The following PLPPR5 variants were observed in gnomAD, a reference collection of about 807,000 sequenced individuals.
PLPPR5 encodes phospholipid phosphatase-related protein type 5.
In PLPPR5, 16 loss-of-function variants were observed where a neutral mutation model predicts 33.9. The ratio of observed to expected loss-of-function variants is 0.47; its 90% CI spans 0.32 to 0.72. The LOEUF (loss-of-function observed/expected upper bound fraction) is 0.72. PLPPR5 is among the 30% of genes least tolerant of loss of function. PLPPR5 has a pLI of 0.03. For missense variants in PLPPR5, 301 were observed against 406.7 expected (o/e 0.74, Z 2.23); for synonymous variants, 163 against 150.3 (o/e 1.08, Z -0.62).
intron 5 of PLPPR5, among the ~76,000 whole-genome samples, chr1:98,912,746 G>A (rs1357810691): frequency 6.6e-6 from 1 of 152,134 alleles, no homozygotes; most frequent in Non-Finnish European, 1.5e-5. Context: ...ATTATAATGA[G>A]GATCATGTTT....
chr1:98,963,817 G>A (rs932745043), intron 1 of PLPPR5, among the ~76,000 whole-genome samples: 7 of 152,086 alleles, frequency 4.6e-5, no homozygotes, highest in African/African-American at 1.2e-4. Context: ...TAAGAAAGCC[G>A]AGTATAGAAA....
intron 4 of PLPPR5, among the ~76,000 whole-genome samples, chr1:98,920,519 G>A (rs1649507719): frequency 7.5e-6 from 1 of 133,616 alleles, no homozygotes; most frequent in Non-Finnish European, 1.5e-5. Flanking sequence ...GAGGCTACAG[G>A]ATATCTCCAG....
At chr1:98,893,125 G>C in intron 5 of PLPPR5, 21 bp from the exon 6 acceptor site, 1 of 1,608,614 alleles carries the variant, frequency 6.2e-7, no homozygotes, top group Non-Finnish European at 8.5e-7. Context: ...AAAAAGGAAT[G>C]ACAAAGTGAG....
intron 3 of PLPPR5, among the ~76,000 whole-genome samples, chr1:98,937,307 G>A (rs1650205358): frequency 6.6e-6 from 1 of 152,202 alleles, no homozygotes. Context: ...CTCCAAAGAT[G>A]GCTATAACAG....
intron 5 of PLPPR5, among the ~76,000 whole-genome samples, chr1:98,895,426 A>G (rs779511254): frequency 4.6e-5 from 7 of 152,024 alleles, no homozygotes; most frequent in Non-Finnish European, 7.4e-5. Context: ...TAGCAGCACA[A>G]AACAGACTAA....
At chr1:98,947,690 T>C (rs1650607711) in intron 3 of PLPPR5, among the ~76,000 whole-genome samples, 2 of 152,020 alleles carry the variant, frequency 1.3e-5, no homozygotes, top group African/African-American at 4.8e-5. Context: ...AGTGAAAATA[T>C]TGGAACCCAG....
chr1:98,999,611 A>G (rs541627989), intron 1 of PLPPR5, among the ~76,000 whole-genome samples: 1 of 152,334 alleles, frequency 6.6e-6, no homozygotes, highest in African/African-American at 2.4e-5. Context: ...CCTACACCAC[A>G]CCACGGGAAT....
intron 1 of PLPPR5, among the ~76,000 whole-genome samples, chr1:98,970,535 A>AT (rs1651621329): frequency 6.6e-6 from 1 of 151,722 alleles, no homozygotes; most frequent in Non-Finnish European, 1.5e-5. Flanking sequence ...TATTATATAA[A>AT]TTCATAAATA....
intron 1 of PLPPR5, among the ~76,000 whole-genome samples, chr1:98,983,919 G>A (rs958574469): frequency 1.8e-4 from 27 of 150,074 alleles, no homozygotes; most frequent in African/African-American, 3.4e-4. Flanking sequence ...CATGTCCTTC[G>A]CCCACTTTTT....
At chr1:98,910,291 T>C (rs916917801) in intron 5 of PLPPR5, among the ~76,000 whole-genome samples, 1 of 152,110 alleles carries the variant, frequency 6.6e-6, no homozygotes, top group East Asian at 1.9e-4. Flanking sequence ...CAACTATCAG[T>C]TATTAAGATC....
At chr1:98,968,656 G>A (rs1170279849) in intron 1 of PLPPR5, among the ~76,000 whole-genome samples, 1 of 151,842 alleles carries the variant, frequency 6.6e-6, no homozygotes, top group Non-Finnish European at 1.5e-5. Flanking sequence ...ACTTGGCACT[G>A]TATGCCTGTA....
At chr1:98,967,541 C>A (rs928599056) in intron 1 of PLPPR5, among the ~76,000 whole-genome samples, 4 of 152,032 alleles carry the variant, frequency 2.6e-5, no homozygotes, top group African/African-American at 9.7e-5. Context: ...ACTCAGTGCC[C>A]CTTTTTGAAA....
At chr1:98,923,224 T>C (rs7524165) in intron 3 of PLPPR5, among the ~76,000 whole-genome samples, 26,362 of 152,238 alleles carry the variant, frequency 0.17, 2,545 homozygotes, top group Non-Finnish European at 0.22. Context: ...GTTTATGTAT[T>C]ATTTTATAAG....
chr1:98,943,509 G>A (rs1206514997), intron 3 of PLPPR5, among the ~76,000 whole-genome samples: 1 of 152,174 alleles, frequency 6.6e-6, no homozygotes, highest in Admixed American at 6.6e-5. Flanking sequence ...TAATAAATAA[G>A]TCCAGGCCAA....
At chr1:98,991,285 A>G (rs1652442618) in intron 1 of PLPPR5, 1 of 152,070 alleles carries the variant, frequency 6.6e-6, no homozygotes, top group Non-Finnish European at 1.5e-5. Flanking sequence ...ATTTGAAAAA[A>G]AAAAAAGATG....
chr1:98,985,802 T>C (rs151240778), intron 1 of PLPPR5, among the ~76,000 whole-genome samples: 1 of 152,214 alleles, frequency 6.6e-6, no homozygotes, highest in Non-Finnish European at 1.5e-5. Flanking sequence ...CCATATAGCC[T>C]CATTGTATAC....
chr1:98,943,391 G>A (rs1349430092), intron 3 of PLPPR5, among the ~76,000 whole-genome samples: 1 of 152,112 alleles, frequency 6.6e-6, no homozygotes, highest in African/African-American at 2.4e-5. Flanking sequence ...AAAATATCCA[G>A]ATATTTTGAG....
At chr1:98,981,968 A>T (rs1035938342) in intron 1 of PLPPR5, among the ~76,000 whole-genome samples, 4 of 152,114 alleles carry the variant, frequency 2.6e-5, no homozygotes, top group African/African-American at 9.6e-5. Context: ...CATTAATGTC[A>T]ATCTCTAAAG....
At chr1:98,974,668 G>A (rs980292522) in intron 1 of PLPPR5, among the ~76,000 whole-genome samples, 1 of 152,028 alleles carries the variant, frequency 6.6e-6, no homozygotes, top group Non-Finnish European at 1.5e-5. Flanking sequence ...TGAGGCAGGA[G>A]AAAGTTATAG....
Sources: allele counts gnomAD v4.1 joint callset (sites outside exome capture counted in the v4.1 genomes callset), GRCh38; gene constraint gnomAD v4.1.1; transcripts MANE v1.5; gene names NCBI Gene and HGNC (gene_info 2026-07-23, HGNC 2026-07-21).